The following ASRGL1 variants were observed in gnomAD, a reference collection of about 807,000 sequenced individuals.
ASRGL1 encodes isoaspartyl peptidase/L-asparaginase.
A neutral mutation model predicts 22.4 loss-of-function variants in ASRGL1; 16 were observed. The ratio of observed to expected loss-of-function variants is 0.71; its 90% CI spans 0.48 to 1.08. The LOEUF is 1.08. Among genes scored for constraint, ASRGL1 ranks in the 50% least tolerant of loss-of-function variants. The pLI, the probability that ASRGL1 is intolerant of heterozygous loss-of-function variation, is 0.00. For missense variants in ASRGL1, 412 were observed against 410.1 expected (o/e 1.00, Z -0.04); for synonymous variants, 165 against 159.3 (o/e 1.04, Z -0.27).
rs116834569 is a variant in ASRGL1 at position 62,391,486 on chromosome 11, C to T, written c.611-36C>T. The T allele has an allele frequency of 8.8e-4, 1,380 of 1,576,016 alleles. 15 individuals are homozygous for T. In the African/African-American group the frequency reaches 0.017, roughly 19 times the overall value. Reference sequence around the variant, plus strand: ...TCTAATATGGATTTGAATTTCTTGACTGTTACTGCTCAGAACAATCACCCT... The same window carrying T: ...TCTAATATGGATTTGAATTTCTTGATTGTTACTGCTCAGAACAATCACCCT... On this transcript the variant is annotated intron_variant, in intron 5 of 6. Coordinates refer to ENST00000415229, the MANE Select transcript of ASRGL1 (RefSeq NM_001083926.2).
At position 62,366,310 on chromosome 11, in the gene ASRGL1, A is replaced by C. The variant is rs1946609631; in HGVS notation, c.491+9166A>C. Among the ~76,000 whole-genome samples the C allele has an allele frequency of 2.0e-5, 3 of 148,618 alleles. No homozygotes were observed. In the Admixed American group the frequency reaches 2.0e-4, roughly 10 times the overall value. On this transcript the variant is annotated intron_variant, in intron 4 of 6. Transcript: ENST00000415229. Reference sequence around the variant, plus strand: ...ATATACAGTGAAACATATATACAAGAAAAATACCGATTTTTCAAGATACAT... The same window carrying C: ...ATATACAGTGAAACATATATACAAGCAAAATACCGATTTTTCAAGATACAT...
chr11:62,376,464 C>T (rs1946934322), intron 4 of ASRGL1, among the ~76,000 whole-genome samples: 1 of 152,162 alleles, frequency 6.6e-6, no homozygotes, highest in Non-Finnish European at 1.5e-5. Flanking sequence ...TTACCACCTT[C>T]CCTATTTCCC....
chr11:62,366,055 T>C (rs2134640566), intron 4 of ASRGL1, among the ~76,000 whole-genome samples: 1 of 144,986 alleles, frequency 6.9e-6, no homozygotes, highest in Admixed American at 6.9e-5. Flanking sequence ...AGCTCAGGAG[T>C]TGAAGACCAC....
At chr11:62,397,664 CA>C (rs34199101), downstream of ASRGL1, among the ~76,000 whole-genome samples, 23,853 of 75,442 alleles carry the variant, frequency 0.32, 2,051 homozygotes, top group African/African-American at 0.45. Flanking sequence ...AACTCCGTCT[CA>C]AAAAAAAAAA....
At chr11:62,355,193 C>T (rs1367440204) in intron 2 of ASRGL1, among the ~76,000 whole-genome samples, 3 of 151,864 alleles carry the variant, frequency 2.0e-5, no homozygotes, top group East Asian at 1.9e-4. Context: ...GGATTACAGG[C>T]GTGAGCCACC....
chr11:62,372,980 C>A (rs1946814226), intron 4 of ASRGL1: 2 of 1,431,664 alleles, frequency 1.4e-6, no homozygotes, highest in South Asian at 1.1e-5. Context: ...CATCACCGAC[C>A]TTTGGGGAAC....
intron 4 of ASRGL1, chr11:62,372,879 C>T: frequency 1.2e-6 from 2 of 1,601,982 alleles, no homozygotes; most frequent in South Asian, 2.2e-5. Context: ...AAAAGCAGTG[C>T]AGGACCTCTG....
At chr11:62,401,143 C>T in the ASRGL1 span, among the ~76,000 whole-genome samples, 4 of 152,254 alleles carry the variant, frequency 2.6e-5, no homozygotes, top group Non-Finnish European at 5.9e-5. Flanking sequence ...TTGCCATTAA[C>T]CCTCTGTAAC....
downstream of ASRGL1, among the ~76,000 whole-genome samples, chr11:62,394,096 ATAAT>A (rs1001035098): frequency 4.2e-5 from 6 of 142,506 alleles, no homozygotes; most frequent in African/African-American, 1.3e-4. Context: ...TATACAATAT[ATAAT>A]ATATATTATA....
intron 4 of ASRGL1, among the ~76,000 whole-genome samples, chr11:62,381,587 T>C (rs34853836): frequency 0.22 from 33,611 of 152,108 alleles, 4,445 homozygotes; most frequent in South Asian, 0.36. Context: ...CCCTTCCTAC[T>C]TGCTTGTTTT....
chr11:62,371,320 GC>G, intron 4 of ASRGL1: 28 of 1,335,034 alleles, frequency 2.1e-5, no homozygotes, highest in Middle Eastern at 2.6e-4. Flanking sequence ...GCTCGACGGG[GC>G]CCCCGGCAGG....
intron 2 of ASRGL1, among the ~76,000 whole-genome samples, chr11:62,346,736 G>GAGGC (rs368621469): frequency 2.6e-4 from 40 of 152,250 alleles, no homozygotes; most frequent in African/African-American, 9.4e-4. Context: ...TTGGGAGGCC[G>GAGGC]AGGCAGGCAG....
At chr11:62,396,242 C>G (rs1215645360), downstream of ASRGL1, among the ~76,000 whole-genome samples, 1 of 150,476 alleles carries the variant, frequency 6.6e-6, no homozygotes, top group Non-Finnish European at 1.5e-5. Flanking sequence ...GAGTATGGGC[C>G]TGGAACACAG....
chr11:62,398,589 C>T, the ASRGL1 span, among the ~76,000 whole-genome samples: 1 of 152,184 alleles, frequency 6.6e-6, no homozygotes, highest in Non-Finnish European at 1.5e-5. Context: ...CCAAGTATTT[C>T]ATCTTTTTTA....
chr11:62,390,480 G>A (rs1384929305), intron 5 of ASRGL1, among the ~76,000 whole-genome samples: 2 of 152,192 alleles, frequency 1.3e-5, no homozygotes, highest in African/African-American at 4.8e-5. Context: ...CACGCCCGAT[G>A]CCTGTGCCAG....
intron 2 of ASRGL1, among the ~76,000 whole-genome samples, chr11:62,349,670 A>C (rs1213443107): frequency 2.0e-5 from 3 of 152,132 alleles, no homozygotes; most frequent in African/African-American, 7.2e-5. Flanking sequence ...ACCCCAAGAG[A>C]AGGTTCTTGG....
At chr11:62,380,745 T>A (rs1947045540) in intron 4 of ASRGL1, among the ~76,000 whole-genome samples, 3 of 152,118 alleles carry the variant, frequency 2.0e-5, no homozygotes, top group Admixed American at 6.5e-5. Flanking sequence ...ACTGTTTTAC[T>A]CCCTCTTTCA....
chr11:62,371,635 T>C (rs1269553735), intron 4 of ASRGL1: 3 of 646,944 alleles, frequency 4.6e-6, no homozygotes, highest in African/African-American at 3.6e-5. Context: ...GGCAACCAAC[T>C]GGGACTTGAT....
intron 4 of ASRGL1, chr11:62,371,244 G>A (rs536015740): frequency 5.4e-6 from 7 of 1,289,232 alleles, no homozygotes; most frequent in Non-Finnish European, 6.1e-6. Flanking sequence ...GGAAGCGCGA[G>A]CCTCCCGAGC....
Sources: gnomAD v4.1 joint callset for allele counts (sites outside exome capture counted in the v4.1 genomes callset) on GRCh38, gnomAD v4.1.1 for gene constraint, MANE v1.5 for transcripts, NCBI Gene and HGNC (gene_info 2026-07-23, HGNC 2026-07-21) for gene names.